The following ERBIN variants were observed in gnomAD, a reference collection of about 807,000 sequenced individuals.
The protein encoded by ERBIN is densin-180-like protein.
A neutral mutation model predicts 158.4 loss-of-function variants in ERBIN; 60 were observed. That is an observed-to-expected ratio of 0.38 (90% CI 0.31 to 0.47). The LOEUF is 0.47. Among genes scored for constraint, ERBIN ranks in the 20% least tolerant of loss-of-function variants. The pLI is 0.99. For missense variants in ERBIN, 1,610 were observed against 1,648.0 expected, an observed-to-expected ratio of 0.98 and a Z score of 0.40; for synonymous variants, 594 against 557.2, an observed-to-expected ratio of 1.07 and a Z score of -0.93.
At chr5:66,013,132 G>C (rs1056353507) in intron 5 of ERBIN, among the ~76,000 whole-genome samples, 1 of 152,162 alleles carries the variant, frequency 6.6e-6, no homozygotes, top group African/African-American at 2.4e-5. Flanking sequence ...GGCAGCCTAT[G>C]TACAACAAAG....
At position 66,023,410 on chromosome 5, in the gene ERBIN, C is replaced by A. The variant is rs376272786; in HGVS notation, c.672+46C>A. ...ATGGCATCACTTATTTCTGGCTCTC[C>A]TTTGCAGTTTTGTGAATTGTACCTT... On this transcript the variant is annotated intron_variant, in intron 9 of 25. Coordinates refer to ENST00000284037, the MANE Select transcript of ERBIN (RefSeq NM_001253697.2). 4 of 1,299,350 alleles carry A rather than the reference C, an allele frequency of 3.1e-6. No homozygotes were observed. The African/African-American group carries it at 4.4e-5, about 14-fold the overall frequency. The allele number at this position is 1,299,350 out of a possible 1,614,324, so 80.5% of individuals were successfully genotyped here.
At position 66,072,210 on chromosome 5, in the gene ERBIN, T is replaced by C. The variant is rs1761594770; in HGVS notation, c.3675T>C (p.Asp1225=). 6.5e-7 allele frequency: 1 copy of C among 1,550,256 alleles called. No individual in the cohort carries two copies. Among genetic ancestry groups the C allele is most frequent in the South Asian group, 1.2e-5 (1 of 84,036 alleles). Residue 1225 remains aspartate (D), a synonymous_variant, in exon 22 of 26, where the codon GAT becomes GAC. Coordinates refer to ENST00000284037, the MANE Select transcript of ERBIN (RefSeq NM_001253697.2). ...QTSSSGDPCQ[D]GIFISGQQNY... is the part of the protein sequence containing the mutation. Reference sequence around the variant, plus strand: ...CCAGTTCAGGAGATCCTTGTCAAGATGGTATATTCATTTCAGGACAGCAGA... The same window carrying C: ...CCAGTTCAGGAGATCCTTGTCAAGACGGTATATTCATTTCAGGACAGCAGA...
chr5:65,960,960 T>C (rs976629278), intron 1 of ERBIN, among the ~76,000 whole-genome samples: 1 of 152,156 alleles, frequency 6.6e-6, no homozygotes, highest in African/African-American at 2.4e-5. Context: ...AACGAAAATG[T>C]TATCATGTAT....
chr5:65,954,316 A>G lies in ERBIN; in HGVS notation c.-58+27510A>G, dbSNP rs1746844693. On this transcript the variant is annotated intron_variant, in intron 1 of 25. Transcript: ENST00000284037. ...AGAGGTTGTGTCCTGTGCTTGAAAA[A>G]CACGTAGGAATTGGTGAAAATTAGT... Among the ~76,000 whole-genome samples, 3 of 152,286 alleles carry G rather than the reference A, an allele frequency of 2.0e-5. No homozygotes were observed. The South Asian group carries it at 6.2e-4, about 32-fold the overall frequency.
At chr5:66,069,841 A>G (rs1048093301) in intron 21 of ERBIN, among the ~76,000 whole-genome samples, 3 of 152,038 alleles carry the variant, frequency 2.0e-5, no homozygotes, top group African/African-American at 7.2e-5. Context: ...TACCTGAGCG[A>G]TGGTATCCCC....
chr5:65,983,440 A>G (rs1242835517), intron 1 of ERBIN, among the ~76,000 whole-genome samples: 1 of 151,530 alleles, frequency 6.6e-6, no homozygotes, highest in Non-Finnish European at 1.5e-5. Context: ...TTACCTTCCT[A>G]TCTTTATTCT....
At chr5:65,957,282 G>A (rs1747269157) in intron 1 of ERBIN, among the ~76,000 whole-genome samples, 1 of 151,716 alleles carries the variant, frequency 6.6e-6, no homozygotes, top group Non-Finnish European at 1.5e-5. Context: ...ATTTGGCAGG[G>A]TCACAGGACA....
At chr5:66,007,243 C>T (rs1045581062) in intron 4 of ERBIN, among the ~76,000 whole-genome samples, 3 of 152,130 alleles carry the variant, frequency 2.0e-5, no homozygotes, top group East Asian at 3.8e-4. Flanking sequence ...TTTGTAGGGA[C>T]ATGGGTGAAG....
intron 20 of ERBIN, among the ~76,000 whole-genome samples, chr5:66,052,544 A>G (rs77121540): frequency 0.011 from 1,688 of 152,280 alleles, 29 homozygotes; most frequent in Middle Eastern, 0.065. Context: ...TATTTTCTAA[A>G]TCCTGCTTTT....
At chr5:66,077,790 ACAC>A (rs1561464893) in intron 25 of ERBIN, among the ~76,000 whole-genome samples, 125 of 129,340 alleles carry the variant, frequency 9.7e-4, no homozygotes, top group African/African-American at 3.7e-3. Flanking sequence ...ACACACACAC[ACAC>A]ATACACACAC....
At chr5:66,072,834 ATTTTC>A (rs1374552888) in intron 22 of ERBIN, among the ~76,000 whole-genome samples, 1 of 151,832 alleles carries the variant, frequency 6.6e-6, no homozygotes, top group African/African-American at 2.4e-5. Context: ...ATTTTTTCTT[ATTTTC>A]TTAACTGATT....
At chr5:65,977,182 GCCGGGCGGGGGGCTGA>G (rs1273143955) in intron 1 of ERBIN, among the ~76,000 whole-genome samples, 1 of 147,624 alleles carries the variant, frequency 6.8e-6, no homozygotes, top group Non-Finnish European at 1.5e-5. Flanking sequence ...GGGGCGGCTG[GCCGGGCGGGGGGCTGA>G]CCCCCCCCCA....
At chr5:65,970,807 C>T (rs1193005217) in intron 1 of ERBIN, among the ~76,000 whole-genome samples, 2 of 152,036 alleles carry the variant, frequency 1.3e-5, no homozygotes, top group Admixed American at 1.3e-4. Context: ...GTTGCCCAGG[C>T]TGGTCTTAAA....
intron 3 of ERBIN, 138 bp from the exon 4 acceptor site, chr5:65,994,609 C>G: frequency 1.8e-6 from 1 of 555,126 alleles, no homozygotes; most frequent in East Asian, 3.2e-5. Context: ...ATAGCATAAC[C>G]AGAACAATGA....
intron 1 of ERBIN, among the ~76,000 whole-genome samples, chr5:65,950,641 G>C (rs1449411753): frequency 6.6e-6 from 1 of 152,180 alleles, no homozygotes; most frequent in Non-Finnish European, 1.5e-5. Context: ...CTCACCCTTA[G>C]GGTGAGGGGA....
chr5:66,030,154 T>G (rs898108946), intron 14 of ERBIN, among the ~76,000 whole-genome samples: 1 of 152,146 alleles, frequency 6.6e-6, no homozygotes, highest in Non-Finnish European at 1.5e-5. Flanking sequence ...TTCTCCTGCC[T>G]CAGCCTCCTG....
intron 21 of ERBIN, among the ~76,000 whole-genome samples, chr5:66,065,729 A>T (rs1472774222): frequency 6.6e-6 from 1 of 151,774 alleles, no homozygotes; most frequent in Non-Finnish European, 1.5e-5. Context: ...ATTCAGGCGC[A>T]GAATAATTAA....
At chr5:65,996,385 T>C (rs1346456025) in intron 4 of ERBIN, among the ~76,000 whole-genome samples, 2 of 152,074 alleles carry the variant, frequency 1.3e-5, no homozygotes, top group Admixed American at 6.6e-5. Flanking sequence ...CCCAACACCA[T>C]TTATTGAAGA....
intron 21 of ERBIN, among the ~76,000 whole-genome samples, chr5:66,067,242 C>G (rs1389134752): frequency 6.6e-6 from 1 of 152,128 alleles, no homozygotes; most frequent in Non-Finnish European, 1.5e-5. Flanking sequence ...CACAGAATAA[C>G]TGGAAGTGTA....
Sources: allele counts gnomAD v4.1 joint callset (sites outside exome capture counted in the v4.1 genomes callset), GRCh38; gene constraint gnomAD v4.1.1; transcripts MANE v1.5; gene names NCBI Gene and HGNC (gene_info 2026-07-23, HGNC 2026-07-21).